Variants in FGF14 observed in about 807,000 individuals in gnomAD.
FGF14 encodes fibroblast growth factor homologous factor 4.
FGF14 carries 5 observed loss-of-function variants against 25.5 expected under a neutral mutation model. The ratio of observed to expected loss-of-function variants is 0.20; its 90% CI spans 0.10 to 0.41. The LOEUF (loss-of-function observed/expected upper bound fraction) is 0.41, where lower values mean the gene tolerates loss of function less well. Among genes scored for constraint, FGF14 ranks in the 10% least tolerant of loss-of-function variants. The pLI is 1.00. For synonymous variants in FGF14, 138 were observed against 118.3 expected (o/e 1.17, Z -1.08); for missense variants, 222 against 320.1 (o/e 0.69, Z 2.34).
At chr13:101,929,593 G>A (rs933181705) in intron 1 of FGF14, among the ~76,000 whole-genome samples, 4 of 152,174 alleles carry the variant, frequency 2.6e-5, no homozygotes, top group African/African-American at 9.7e-5. Context: ...TCAATTACCT[G>A]GGCGTTGTCA....
At chr13:101,919,978 A>G (rs1207590240), upstream of FGF14, among the ~76,000 whole-genome samples, 1 of 152,046 alleles carries the variant, frequency 6.6e-6, no homozygotes, top group Non-Finnish European at 1.5e-5. Flanking sequence ...GTAGCTTCCT[A>G]TTTTAAGGGA....
intron 1 of FGF14, among the ~76,000 whole-genome samples, chr13:102,161,623 AAGAAGAAGAAGAAGAAGAAG>A: frequency 5.2e-5 from 1 of 19,368 alleles, no homozygotes; most frequent in African/African-American, 3.1e-4. Flanking sequence ...GAAGAAGAAG[AAGAAGAAGAAGAAGAAGAAG>A]AAGAAGAAGA....
intron 3 of FGF14, among the ~76,000 whole-genome samples, chr13:101,833,331 T>C (rs2042770149): frequency 6.6e-6 from 1 of 152,078 alleles, no homozygotes; most frequent in Admixed American, 6.6e-5. Flanking sequence ...TCATTGCTCT[T>C]TTGTATGTGC....
chr13:102,216,701 C>G (rs540865093), intron 1 of FGF14, among the ~76,000 whole-genome samples: 144 of 152,168 alleles, frequency 9.5e-4, no homozygotes, highest in Non-Finnish European at 1.8e-3. Context: ...AAACATACAA[C>G]ATATCATTGT....
At chr13:101,800,128 A>G (rs558343778) in intron 3 of FGF14, among the ~76,000 whole-genome samples, 2 of 152,220 alleles carry the variant, frequency 1.3e-5, no homozygotes, top group East Asian at 3.9e-4. Context: ...GAGTGTCTCG[A>G]ATAAAAATTG....
chr13:102,301,525 T>C (rs1047486919), intron 1 of FGF14, among the ~76,000 whole-genome samples: 2 of 152,170 alleles, frequency 1.3e-5, no homozygotes, highest in Non-Finnish European at 1.5e-5. Flanking sequence ...AGGTGGATTA[T>C]AGTCCATGAC....
chr13:102,126,366 A>G (rs1030163714), intron 1 of FGF14, among the ~76,000 whole-genome samples: 2 of 152,210 alleles, frequency 1.3e-5, no homozygotes, highest in African/African-American at 4.8e-5. Flanking sequence ...TAATGTTTTC[A>G]AGGTTCATTC....
chr13:102,285,466 C>A (rs2054050125), intron 1 of FGF14, among the ~76,000 whole-genome samples: 1 of 152,140 alleles, frequency 6.6e-6, no homozygotes, highest in Admixed American at 6.5e-5. Flanking sequence ...ACAATAAACT[C>A]GGTTCTTCAA....
In FGF14 at chr13:102,009,587, A is replaced by G. The variant is rs975533953; in HGVS notation, c.209-134291T>C. On this transcript the variant is annotated intron_variant, in intron 1 of 4. Coordinates refer to the FGF14 transcript ENST00000376131. Reference sequence around the variant, plus strand: ...ATGGGATTAAAAAATTGTTCTTCAAAAAGTCTACACCAATTTAAACATCCA... The same window carrying G: ...ATGGGATTAAAAAATTGTTCTTCAAGAAGTCTACACCAATTTAAACATCCA... Among the ~76,000 whole-genome samples, 4 of 152,280 alleles carry G rather than the reference A, an allele frequency of 2.6e-5. No individual in the cohort carries two copies. In the South Asian group the frequency reaches 8.3e-4, roughly 32 times the overall value.
chr13:101,847,196 G>A (rs1033963066), intron 3 of FGF14, among the ~76,000 whole-genome samples: 3 of 152,038 alleles, frequency 2.0e-5, no homozygotes, highest in Non-Finnish European at 4.4e-5. Flanking sequence ...GGTTGAGAAA[G>A]TTAGTAAAAC....
chr13:102,003,420 G>T (rs1308183087), intron 1 of FGF14: 1 of 152,196 alleles, frequency 6.6e-6, no homozygotes, highest in Non-Finnish European at 1.5e-5. Context: ...AGGCTGACTG[G>T]ATTATAAATG....
intron 1 of FGF14, among the ~76,000 whole-genome samples, chr13:102,284,443 A>C (rs2053995609): frequency 6.6e-6 from 1 of 152,192 alleles, no homozygotes; most frequent in African/African-American, 2.4e-5. Flanking sequence ...ACTTTGGATA[A>C]AGTTTAACCT....
chr13:101,934,202 C>T (rs2034953282), intron 1 of FGF14, among the ~76,000 whole-genome samples: 1 of 152,164 alleles, frequency 6.6e-6, no homozygotes, highest in Non-Finnish European at 1.5e-5. Flanking sequence ...CTTCAAAGCA[C>T]AACAGAAACG....
At chr13:101,855,743 T>A (rs990344159) in intron 3 of FGF14, among the ~76,000 whole-genome samples, 3 of 151,952 alleles carry the variant, frequency 2.0e-5, no homozygotes, top group Non-Finnish European at 4.4e-5. Flanking sequence ...AAATAAAGAC[T>A]GGCTTTCGTG....
chr13:102,112,921 G>A lies in FGF14; in HGVS notation c.209-237625C>T, dbSNP rs2045302702. Among the ~76,000 whole-genome samples, 3 of 152,006 alleles carry A rather than the reference G, an allele frequency of 2.0e-5. No individual in the cohort carries two copies. The South Asian group carries it at 6.2e-4, about 32-fold the overall frequency. Reference sequence around the variant, plus strand: ...TTGGGTTCAGTATTCCAAAGATTGGGGACATAATGCACTCTAAGACATAGT... The same window carrying A: ...TTGGGTTCAGTATTCCAAAGATTGGAGACATAATGCACTCTAAGACATAGT... On this transcript the variant is annotated intron_variant, in intron 1 of 4. Transcript: ENST00000376131.
intron 3 of FGF14, among the ~76,000 whole-genome samples, chr13:101,743,749 G>T (rs958884021): frequency 1.3e-5 from 2 of 152,024 alleles, no homozygotes; most frequent in African/African-American, 4.8e-5. Context: ...ATTCACATCT[G>T]TAGATATTTT....
intron 3 of FGF14, among the ~76,000 whole-genome samples, chr13:101,782,753 T>C (rs1330183606): frequency 1.3e-5 from 2 of 152,228 alleles, no homozygotes; most frequent in Admixed American, 6.5e-5. Context: ...TATTCTATGG[T>C]GTATATGTAC....
chr13:102,193,541 C>A (rs1282522163), intron 1 of FGF14, among the ~76,000 whole-genome samples: 1 of 152,100 alleles, frequency 6.6e-6, no homozygotes, highest in Non-Finnish European at 1.5e-5. Context: ...TTAATGGTAA[C>A]AGAGTTTTCA....
intron 1 of FGF14, among the ~76,000 whole-genome samples, chr13:101,969,385 AT>A (rs1247167534): frequency 6.6e-6 from 1 of 152,144 alleles, no homozygotes; most frequent in African/African-American, 2.4e-5. Context: ...AACACGGTGA[AT>A]CCCCGTCTCT....
Sources: allele counts gnomAD v4.1 joint callset (sites outside exome capture counted in the v4.1 genomes callset), GRCh38; gene constraint gnomAD v4.1.1; transcripts MANE v1.5; gene names NCBI Gene and HGNC (gene_info 2026-07-23, HGNC 2026-07-21).